The following RBFOX1 variants were observed in gnomAD, a reference collection of about 807,000 sequenced individuals.
The protein encoded by RBFOX1 is RNA binding fox-1 homolog 1, also known as RNA binding protein fox-1 homolog 1.
A neutral mutation model predicts 57.7 loss-of-function variants in RBFOX1; 8 were observed. That is an observed-to-expected ratio of 0.14 (90% CI 0.08 to 0.25). The LOEUF is 0.25. Ranked by LOEUF, RBFOX1 falls within the 10% of genes least tolerant of loss-of-function variation. The pLI, the probability that RBFOX1 is intolerant of heterozygous loss-of-function variation, is 1.00. For missense variants in RBFOX1, 611 were observed against 548.5 expected, an observed-to-expected ratio of 1.11 and a Z score of -1.14; for synonymous variants, 326 against 222.4, an observed-to-expected ratio of 1.47 and a Z score of -4.15.
At chr16:7,408,445 T>A (rs2098383219) in intron 4 of RBFOX1, among the ~76,000 whole-genome samples, 1 of 152,244 alleles carries the variant, frequency 6.6e-6, no homozygotes, top group Non-Finnish European at 1.5e-5. Flanking sequence ...AGTGCATCTC[T>A]GAAAATATTC....
chr16:5,516,712 TG>T (rs1354327907), intron 2 of RBFOX1, among the ~76,000 whole-genome samples: 1 of 152,064 alleles, frequency 6.6e-6, no homozygotes, highest in African/African-American at 2.4e-5. Flanking sequence ...AATTGAGTCA[TG>T]GGGGTGGGTT....
intron 4 of RBFOX1, among the ~76,000 whole-genome samples, chr16:5,868,157 T>C (rs1164836159): frequency 6.6e-6 from 1 of 152,170 alleles, no homozygotes; most frequent in East Asian, 1.9e-4. Flanking sequence ...TGTAATGTAA[T>C]GGGCTCCTGC....
chr16:6,923,272 G>A (rs1473382795), intron 3 of RBFOX1, among the ~76,000 whole-genome samples: 1 of 152,238 alleles, frequency 6.6e-6, no homozygotes, highest in East Asian at 1.9e-4. Flanking sequence ...GGTGGCTCAT[G>A]CCTATAATCC....
At chr16:6,906,973 C>T (rs1431701667) in intron 3 of RBFOX1, among the ~76,000 whole-genome samples, 1 of 152,124 alleles carries the variant, frequency 6.6e-6, no homozygotes, top group African/African-American at 2.4e-5. Flanking sequence ...ATCAGCCCAC[C>T]TCAGCTTCCC....
At chr16:6,673,718 A>G (rs1603328610) in intron 3 of RBFOX1, among the ~76,000 whole-genome samples, 2 of 152,238 alleles carry the variant, frequency 1.3e-5, no homozygotes, top group Non-Finnish European at 2.9e-5. Context: ...GGCAGAGAGA[A>G]GAGGCTATGG....
chr16:5,546,139 G>A (rs1427530155), intron 2 of RBFOX1, among the ~76,000 whole-genome samples: 1 of 152,086 alleles, frequency 6.6e-6, no homozygotes, highest in Non-Finnish European at 1.5e-5. Context: ...TTCATATACT[G>A]AAAATTACAA....
At chr16:7,064,201 C>T (rs958041307) in intron 4 of RBFOX1, among the ~76,000 whole-genome samples, 2 of 121,552 alleles carry the variant, frequency 1.6e-5, no homozygotes, top group Non-Finnish European at 3.2e-5. Context: ...TGGAGTCTCA[C>T]TATGTGGCCT....
Position 6,950,402 on chromosome 16 carries a change from C to T in RBFOX1, c.-15-101655C>T, listed in dbSNP as rs186298888. Among the ~76,000 whole-genome samples the T allele has an allele frequency of 3.5e-4, 54 of 152,186 alleles. 2 individuals are homozygous for T. Among genetic ancestry groups the T allele is most frequent in the Admixed American group, 3.3e-3 (50 of 15,284 alleles). On this transcript the variant is annotated intron_variant, in intron 3 of 15. Transcript: ENST00000550418. ...CACCCACCACCCACTACCCACTACACCAGCATGCACTGAGAACAGGGTAAT... is the reference window on the plus strand; with the variant it reads ...CACCCACCACCCACTACCCACTACATCAGCATGCACTGAGAACAGGGTAAT...
At chr16:6,874,703 C>A (rs553240799) in intron 3 of RBFOX1, among the ~76,000 whole-genome samples, 1 of 151,696 alleles carries the variant, frequency 6.6e-6, no homozygotes, top group African/African-American at 2.4e-5. Flanking sequence ...CATATTCTCG[C>A]TTATAAGTGG....
At chr16:6,572,805 G>T (rs555083143) in intron 2 of RBFOX1, among the ~76,000 whole-genome samples, 5 of 152,116 alleles carry the variant, frequency 3.3e-5, no homozygotes, top group African/African-American at 9.6e-5. Context: ...TGTTGGCCAC[G>T]CTGGCCTCGA....
chr16:6,262,034 A>C (rs564857056), intron 1 of RBFOX1, among the ~76,000 whole-genome samples: 1 of 152,068 alleles, frequency 6.6e-6, no homozygotes, highest in Non-Finnish European at 1.5e-5. Context: ...GTCTCAGAAA[A>C]ACAAAAAAAA....
chr16:6,118,449 G>C (rs1351467053), intron 1 of RBFOX1, among the ~76,000 whole-genome samples: 1 of 152,176 alleles, frequency 6.6e-6, no homozygotes, highest in Non-Finnish European at 1.5e-5. Flanking sequence ...CAGAATCATA[G>C]ATGGCATCTT....
intron 1 of RBFOX1, among the ~76,000 whole-genome samples, chr16:5,284,606 A>G (rs1451659064): frequency 6.8e-6 from 1 of 146,362 alleles, no homozygotes; most frequent in Non-Finnish European, 1.5e-5. Flanking sequence ...CAGTGGCATG[A>G]TCATAGCTCA....
chr16:5,242,134 G>C (rs185813121), intron 1 of RBFOX1, among the ~76,000 whole-genome samples: 12 of 151,634 alleles, frequency 7.9e-5, no homozygotes, highest in South Asian at 4.2e-4. Flanking sequence ...GAGAGAGAGA[G>C]AGACAGACAG....
intron 14 of RBFOX1, among the ~76,000 whole-genome samples, chr16:7,679,377 T>A (rs551767979): frequency 1.3e-5 from 2 of 152,206 alleles, no homozygotes; most frequent in Non-Finnish European, 2.9e-5. Context: ...GATGGAAGCT[T>A]AGTTCCTCTT....
At chr16:7,167,252 C>T (rs1434938310) in intron 4 of RBFOX1, among the ~76,000 whole-genome samples, 1 of 151,758 alleles carries the variant, frequency 6.6e-6, no homozygotes, top group African/African-American at 2.4e-5. Flanking sequence ...TACCAAAGTG[C>T]TGGGATTACA....
chr16:6,350,888 T>A (rs1385615815), intron 2 of RBFOX1, among the ~76,000 whole-genome samples: 1 of 152,068 alleles, frequency 6.6e-6, no homozygotes, highest in African/African-American at 2.4e-5. Context: ...GAGGCCTAGG[T>A]TTCTATGAGG....
intron 4 of RBFOX1, among the ~76,000 whole-genome samples, chr16:7,145,771 T>C (rs12446166): frequency 0.77 from 116,918 of 152,100 alleles, 45,003 homozygotes; most frequent in Middle Eastern, 0.81. Flanking sequence ...GATATAAAAA[T>C]CATGTATGAG....
At chr16:7,443,899 G>A (rs1284645410) in intron 4 of RBFOX1, among the ~76,000 whole-genome samples, 1 of 152,164 alleles carries the variant, frequency 6.6e-6, no homozygotes, top group Non-Finnish European at 1.5e-5. Context: ...CTACAATAGG[G>A]CACTACTGAT....
Sources: gnomAD v4.1 joint callset for allele counts (sites outside exome capture counted in the v4.1 genomes callset) on GRCh38, gnomAD v4.1.1 for gene constraint, MANE v1.5 for transcripts, NCBI Gene and HGNC (gene_info 2026-07-23, HGNC 2026-07-21) for gene names.